Variants in CHRNA7 observed in about 807,000 individuals in gnomAD.
The protein encoded by CHRNA7 is cholinergic receptor nicotinic alpha 7 subunit, also known as neuronal acetylcholine receptor subunit alpha-7.
In CHRNA7, 17 loss-of-function variants were observed where a neutral mutation model predicts 48.0. The ratio of observed to expected loss-of-function variants is 0.35; its 90% CI spans 0.24 to 0.53. The LOEUF is 0.53. CHRNA7 is among the 20% of genes least tolerant of loss of function. CHRNA7 has a pLI of 0.92. For missense variants in CHRNA7, 155 were observed against 577.7 expected (o/e 0.27, Z 7.50); for synonymous variants, 75 against 242.3 (o/e 0.31, Z 6.41).
intron 4 of CHRNA7, among the ~76,000 whole-genome samples, chr15:32,121,213 G>C (rs996679416): frequency 6.6e-6 from 1 of 152,210 alleles, no homozygotes; most frequent in Non-Finnish European, 1.5e-5. Flanking sequence ...GGGCCACATG[G>C]TCGGTGGAGC....
At chr15:32,107,970 G>A (rs1338085725) in intron 3 of CHRNA7, among the ~76,000 whole-genome samples, 1 of 152,008 alleles carries the variant, frequency 6.6e-6, no homozygotes, top group East Asian at 1.9e-4. Context: ...AAATTCCCAG[G>A]GCTTTGGAAG....
At chr15:32,101,115 A>G in intron 2 of CHRNA7, 188 bp from the exon 3 acceptor site, 1 of 569,594 alleles carries the variant, frequency 1.8e-6, no homozygotes, top group Non-Finnish European at 3.0e-6. Context: ...AATGTGTCTT[A>G]CTTTGGAATA....
chr15:32,140,229 A>G (rs1595492674), intron 4 of CHRNA7, among the ~76,000 whole-genome samples: 1 of 152,148 alleles, frequency 6.6e-6, no homozygotes. Context: ...AGCTTCATCC[A>G]TGTGCCTGCA....
intron 4 of CHRNA7, among the ~76,000 whole-genome samples, chr15:32,151,592 G>A (rs1231157693): frequency 6.6e-6 from 1 of 152,148 alleles, no homozygotes; most frequent in East Asian, 1.9e-4. Context: ...TGTCCTCTAC[G>A]CTGTCTTCTT....
At chr15:32,047,059 T>TC (rs947506056) in intron 2 of CHRNA7, among the ~76,000 whole-genome samples, 2 of 145,678 alleles carry the variant, frequency 1.4e-5, no homozygotes, top group African/African-American at 5.3e-5. Context: ...ACCATGCTGT[T>TC]TGGTTACTGT....
chr15:32,030,485 C>T, upstream of CHRNA7: 2 of 1,169,562 alleles, frequency 1.7e-6, no homozygotes, highest in Non-Finnish European at 2.2e-6. Context: ...CGCCCGGCTC[C>T]TTAAAGGCGC....
intron 3 of CHRNA7, among the ~76,000 whole-genome samples, chr15:32,109,701 G>A (rs2050730517): frequency 2.0e-5 from 3 of 152,186 alleles, no homozygotes; most frequent in Admixed American, 2.0e-4. Context: ...CTAGCTTTCT[G>A]AACCCTGGCG....
At chr15:32,118,527 T>C (rs889123627) in intron 4 of CHRNA7, among the ~76,000 whole-genome samples, 9 of 152,174 alleles carry the variant, frequency 5.9e-5, no homozygotes, top group Admixed American at 4.6e-4. Flanking sequence ...CAGCTTGTTT[T>C]AAAGCAGTGA....
chr15:32,084,071 C>A (rs2050257306), intron 2 of CHRNA7, among the ~76,000 whole-genome samples: 1 of 152,092 alleles, frequency 6.6e-6, no homozygotes, highest in South Asian at 2.1e-4. Flanking sequence ...AATGAACTGC[C>A]AAGGTGTTTC....
At position 32,049,476 on chromosome 15, in the gene CHRNA7, C is replaced by T. The variant is rs570428927; in HGVS notation, c.195+18439C>T. On this transcript the variant is annotated intron_variant, in intron 2 of 9. Coordinates refer to ENST00000306901, the MANE Select transcript of CHRNA7 (RefSeq NM_000746.6). ...AGAGACTAGGATTGCAACCCCTGCC[C>T]TTTTTTGTTTTCCATTTGCTTGGTA... Among the ~76,000 whole-genome samples the T allele has an allele frequency of 9.7e-4, 147 of 152,030 alleles. 3 individuals are homozygous for T. Among genetic ancestry groups the T allele is most frequent in the Admixed American group, 8.3e-3 (127 of 15,218 alleles).
intron 4 of CHRNA7, among the ~76,000 whole-genome samples, chr15:32,128,479 G>A (rs901589673): frequency 2.0e-5 from 3 of 151,832 alleles, no homozygotes; most frequent in Admixed American, 2.0e-4. Flanking sequence ...TTTTCAACAT[G>A]TGAGATTTAT....
At chr15:32,146,678 C>T (rs936407632) in intron 4 of CHRNA7, among the ~76,000 whole-genome samples, 1 of 152,100 alleles carries the variant, frequency 6.6e-6, no homozygotes, top group Admixed American at 6.5e-5. Flanking sequence ...TAAGAAAGAA[C>T]AACATAAATG....
At chr15:32,031,174 C>G in intron 2 of CHRNA7, 137 bp downstream of exon 2, 1 of 1,004,608 alleles carries the variant, frequency 1.0e-6, no homozygotes, top group East Asian at 2.6e-5. Flanking sequence ...GGGCCATGCT[C>G]TGAGTCTGTC....
chr15:32,064,878 C>A (rs1465651636), intron 2 of CHRNA7, among the ~76,000 whole-genome samples: 1 of 152,054 alleles, frequency 6.6e-6, no homozygotes, highest in Non-Finnish European at 1.5e-5. Flanking sequence ...ATGCCATGGC[C>A]AAGAGAGGCA....
intron 2 of CHRNA7, among the ~76,000 whole-genome samples, chr15:32,050,148 A>G (rs1459438301): frequency 1.3e-5 from 2 of 152,140 alleles, no homozygotes; most frequent in African/African-American, 4.8e-5. Flanking sequence ...CTCGATGAGT[A>G]TCTTTGTGGT....
Position 32,081,368 on chromosome 15 carries a change from T to G in CHRNA7, c.196-19935T>G, listed in dbSNP as rs141040891. ...TACATTTAATGTAATTATTGGTATG[T>G]TAGGGGCTTATGTGTGCCATTTTAT... On this transcript the variant is annotated intron_variant, in intron 2 of 9. Coordinates refer to ENST00000306901, the MANE Select transcript of CHRNA7 (RefSeq NM_000746.6). Among the ~76,000 whole-genome samples the G allele has an allele frequency of 3.7e-3, 565 of 152,320 alleles. 4 individuals carry two copies. The highest frequency in any genetic ancestry group is 0.013 in the African/African-American group (531 of 41,568).
rs1233042106 is a variant in CHRNA7, at chr15:32,169,089, GC to G, written c.*633del. The stretch of plus-strand genomic sequence containing the variant: ...TTACTAAGGATGTTTTTACCAGCCT[GC>G]CTGACTTCTGCAAACCTACCCTGTC... On this transcript the variant is annotated 3_prime_UTR_variant, in exon 10 of 10. Coordinates refer to ENST00000306901, the MANE Select transcript of CHRNA7 (RefSeq NM_000746.6). The G allele has an allele frequency of 2.9e-5, 4 of 136,474 alleles. No homozygotes were observed. In the Admixed American group the frequency reaches 3.0e-4, roughly 10 times the overall value. 8.5% of individuals were successfully genotyped at this position (136,474 alleles called of 1,614,324 possible).
chr15:32,051,434 G>A (rs145710489), intron 2 of CHRNA7, among the ~76,000 whole-genome samples: 8,474 of 152,256 alleles, frequency 0.056, 400 homozygotes, highest in Non-Finnish European at 0.078. Flanking sequence ...AGACTCCATG[G>A]GCGTAGGACC....
At chr15:32,134,131 C>T (rs919738391) in intron 4 of CHRNA7, among the ~76,000 whole-genome samples, 2 of 152,062 alleles carry the variant, frequency 1.3e-5, no homozygotes, top group Non-Finnish European at 2.9e-5. Flanking sequence ...TCCTGTCCCA[C>T]CCCTGTGACT....
Sources: gnomAD v4.1 joint callset for allele counts (sites outside exome capture counted in the v4.1 genomes callset) on GRCh38, gnomAD v4.1.1 for gene constraint, MANE v1.5 for transcripts, NCBI Gene and HGNC (gene_info 2026-07-23, HGNC 2026-07-21) for gene names.